The following PHACTR1 variants were observed in gnomAD, a reference collection of about 807,000 sequenced individuals.
PHACTR1 encodes RPEL repeat containing 1.
A neutral mutation model predicts 69.2 loss-of-function variants in PHACTR1; 16 were observed. That is an observed-to-expected ratio of 0.23 (90% CI 0.16 to 0.35). The LOEUF is 0.35. Among genes scored for constraint, PHACTR1 ranks in the 10% least tolerant of loss-of-function variants. The probability of loss-of-function intolerance (pLI) is 1.00; values close to 1 mark genes in which losing one functional copy is unlikely to be tolerated. For synonymous variants in PHACTR1, 312 were observed against 284.5 expected (o/e 1.10, Z -0.97); for missense variants, 510 against 734.7 (o/e 0.69, Z 3.54).
chr6:12,796,614 A>T (rs1773032647), intron 4 of PHACTR1, among the ~76,000 whole-genome samples: 1 of 152,212 alleles, frequency 6.6e-6, no homozygotes, highest in African/African-American at 2.4e-5. Flanking sequence ...ATTGGTGTGC[A>T]GAGTCTCTGC....
At chr6:13,159,623 A>G (rs1298986942) in intron 5 of PHACTR1, among the ~76,000 whole-genome samples, 2 of 152,202 alleles carry the variant, frequency 1.3e-5, no homozygotes, top group Non-Finnish European at 1.5e-5. Context: ...AGGTTCAACC[A>G]TAAATTGGGG....
At chr6:12,806,509 G>T (rs987786322) in intron 4 of PHACTR1, among the ~76,000 whole-genome samples, 1 of 151,960 alleles carries the variant, frequency 6.6e-6, no homozygotes, top group Non-Finnish European at 1.5e-5. Flanking sequence ...TTAGAGAGGG[G>T]GTCTTGTTAT....
rs147161292 is a variant in PHACTR1, at chr6:13,092,114, A to G, written c.415+38585A>G. Among the ~76,000 whole-genome samples, 14 of 152,222 alleles carry G rather than the reference A, an allele frequency of 9.2e-5. No homozygotes were observed. In the East Asian group the frequency reaches 2.7e-3, roughly 29 times the overall value. ...CACCCAGCTGGTTCGAACTTCTATG[A>G]GAATCTAATGCCACTGATCTGACAG... On this transcript the variant is annotated intron_variant, in intron 5 of 14. Transcript: ENST00000332995.
intron 14 of PHACTR1, among the ~76,000 whole-genome samples, chr6:13,286,766 A>G (rs758231120): frequency 1.3e-5 from 2 of 152,268 alleles, no homozygotes; most frequent in Non-Finnish European, 2.9e-5. Context: ...TTTGGGGGGA[A>G]CATTTAGAGA....
At chr6:13,126,885 A>C (rs1819622059) in intron 5 of PHACTR1, among the ~76,000 whole-genome samples, 2 of 152,220 alleles carry the variant, frequency 1.3e-5, no homozygotes, top group Non-Finnish European at 2.9e-5. Context: ...GCAAATTTTT[A>C]CCTCTATTCT....
chr6:12,732,538 C>T (rs756920893), intron 3 of PHACTR1, among the ~76,000 whole-genome samples: 1 of 152,106 alleles, frequency 6.6e-6, no homozygotes, highest in Non-Finnish European at 1.5e-5. Context: ...CACGTGTTCT[C>T]ATTGTTCAAC....
intron 4 of PHACTR1, among the ~76,000 whole-genome samples, chr6:12,871,509 A>G (rs1490399276): frequency 6.6e-6 from 1 of 152,030 alleles, no homozygotes; most frequent in Non-Finnish European, 1.5e-5. Context: ...AATCTGCAGC[A>G]TTTCCTGCAT....
chr6:12,793,498 A>G (rs1772594707), intron 4 of PHACTR1, among the ~76,000 whole-genome samples: 1 of 152,240 alleles, frequency 6.6e-6, no homozygotes, highest in East Asian at 1.9e-4. Context: ...TTTATGCTTC[A>G]AGATTTGAAA....
At chr6:12,942,574 G>T (rs771897181) in intron 4 of PHACTR1, among the ~76,000 whole-genome samples, 2 of 152,082 alleles carry the variant, frequency 1.3e-5, no homozygotes, top group East Asian at 1.9e-4. Flanking sequence ...CAGGAGAATC[G>T]CTTGAACCCA....
chr6:13,280,967 TG>T, intron 12 of PHACTR1: 1 of 1,289,266 alleles, frequency 7.8e-7, no homozygotes, highest in Non-Finnish European at 1.0e-6. Context: ...TTGTTAGTGC[TG>T]GGGTCCGTGC....
intron 10 of PHACTR1, among the ~76,000 whole-genome samples, chr6:13,249,246 G>A (rs535642997): frequency 2.0e-5 from 3 of 152,114 alleles, no homozygotes; most frequent in South Asian, 2.1e-4. Context: ...GATCAGTGGC[G>A]GCATTAGATT....
chr6:13,231,732 A>C (rs991991979), intron 10 of PHACTR1, among the ~76,000 whole-genome samples: 1 of 152,244 alleles, frequency 6.6e-6, no homozygotes, highest in Non-Finnish European at 1.5e-5. Context: ...ATGTATTTGT[A>C]ATCAAGGGCA....
Position 13,184,370 on chromosome 6 carries a change from G to A in PHACTR1, c.664+1684G>A, listed in dbSNP as rs183480509. On this transcript the variant is annotated intron_variant, in intron 7 of 14. Coordinates refer to ENST00000332995, the MANE Select transcript of PHACTR1 (RefSeq NM_030948.6). ...CAGCAAAGGGCAAGCAGGCCCCAGC[G>A]AGGCTGCTGGCATTCAGTTCTGGTT... 3.5e-4 allele frequency among the ~76,000 whole-genome samples: 54 copies of A among 152,226 alleles called. No individual in the cohort carries two copies. The East Asian group carries it at 8.5e-3, about 24-fold the overall frequency.
intron 5 of PHACTR1, among the ~76,000 whole-genome samples, chr6:13,134,333 C>T (rs1359133763): frequency 2.6e-5 from 4 of 152,168 alleles, no homozygotes; most frequent in African/African-American, 9.7e-5. Flanking sequence ...ATGACGATGG[C>T]GGTTTTGTCG....
intron 5 of PHACTR1, among the ~76,000 whole-genome samples, chr6:13,136,886 C>T (rs994112305): frequency 3.3e-5 from 5 of 152,236 alleles, no homozygotes; most frequent in Middle Eastern, 3.4e-3. Flanking sequence ...CACCTCAAAA[C>T]GATTACAATA....
At position 12,896,752 on chromosome 6, in the gene PHACTR1, T is replaced by C. The variant is rs180757216; in HGVS notation, c.250+146962T>C. 3.9e-3 allele frequency among the ~76,000 whole-genome samples: 595 copies of C among 152,334 alleles called. 4 individuals are homozygous for C. The highest frequency in any genetic ancestry group is 0.014 in the African/African-American group (572 of 41,564). Reference sequence around the variant, plus strand: ...TAGAAAACTACAGTGAATTGACGGTTCGTTATATGTATTTCTTCCCACACA... The same window carrying C: ...TAGAAAACTACAGTGAATTGACGGTCCGTTATATGTATTTCTTCCCACACA... On this transcript the variant is annotated intron_variant, in intron 4 of 14. Coordinates refer to ENST00000332995, the MANE Select transcript of PHACTR1 (RefSeq NM_030948.6).
At chr6:13,252,652 C>A (rs943858138) in intron 10 of PHACTR1, among the ~76,000 whole-genome samples, 1 of 151,480 alleles carries the variant, frequency 6.6e-6, no homozygotes, top group African/African-American at 2.4e-5. Context: ...GGAGAGGGGT[C>A]TCTTTGTTGT....
At chr6:12,947,683 G>A (rs867134391) in intron 4 of PHACTR1, among the ~76,000 whole-genome samples, 7 of 152,292 alleles carry the variant, frequency 4.6e-5, no homozygotes, top group South Asian at 2.1e-4. Flanking sequence ...AGGGGCTGTG[G>A]TAAGCAGTAG....
intron 4 of PHACTR1, among the ~76,000 whole-genome samples, chr6:12,899,427 T>C (rs1471508600): frequency 6.6e-6 from 1 of 152,226 alleles, no homozygotes; most frequent in East Asian, 1.9e-4. Context: ...TATCTGTATG[T>C]CATAAACTGT....
Sources: gnomAD v4.1 joint callset for allele counts (sites outside exome capture counted in the v4.1 genomes callset) on GRCh38, gnomAD v4.1.1 for gene constraint, MANE v1.5 for transcripts, NCBI Gene and HGNC (gene_info 2026-07-23, HGNC 2026-07-21) for gene names.